Variants in KCNT2 observed in about 807,000 individuals in gnomAD.
KCNT2 encodes potassium sodium-activated channel subfamily T member 2.
A neutral mutation model predicts 153.8 loss-of-function variants in KCNT2; 67 were observed. The observed-to-expected ratio is 0.44, with a 90% CI of 0.36 to 0.53. The LOEUF (loss-of-function observed/expected upper bound fraction) is 0.53. Ranked by LOEUF, KCNT2 falls within the 20% of genes least tolerant of loss-of-function variation. The probability of loss-of-function intolerance (pLI) is 0.00; values close to 1 mark genes in which losing one functional copy is unlikely to be tolerated. For missense variants in KCNT2, 975 were observed against 1,354.8 expected, an observed-to-expected ratio of 0.72 and a Z score of 4.40; for synonymous variants, 500 against 458.8, an observed-to-expected ratio of 1.09 and a Z score of -1.15.
intron 27 of KCNT2, among the ~76,000 whole-genome samples, chr1:196,231,529 A>C (rs1042965455): frequency 5.3e-5 from 8 of 152,022 alleles, no homozygotes; most frequent in Non-Finnish European, 1.2e-4. Context: ...AAGAAATTCC[A>C]AACATCATAC....
intron 18 of KCNT2, among the ~76,000 whole-genome samples, chr1:196,327,555 T>C (rs1440243006): frequency 6.6e-6 from 1 of 152,146 alleles, no homozygotes; most frequent in Non-Finnish European, 1.5e-5. Context: ...CACGGAGAAC[T>C]GTTTTGATGT....
intron 13 of KCNT2, among the ~76,000 whole-genome samples, chr1:196,389,291 T>C (rs970289051): frequency 6.6e-6 from 1 of 151,724 alleles, no homozygotes; most frequent in Admixed American, 6.6e-5. Flanking sequence ...AGTTTGCAAT[T>C]TTCTTTTCTC....
At chr1:196,454,139 T>C (rs376409271) in intron 8 of KCNT2, among the ~76,000 whole-genome samples, 1 of 151,998 alleles carries the variant, frequency 6.6e-6, no homozygotes, top group South Asian at 2.1e-4. Context: ...CTGATGTCTA[T>C]ACATATTTTT....
At chr1:196,327,752 A>G (rs542697951) in intron 18 of KCNT2, among the ~76,000 whole-genome samples, 22 of 149,224 alleles carry the variant, frequency 1.5e-4, no homozygotes, top group African/African-American at 5.3e-4. Flanking sequence ...CTGAAACCTC[A>G]AATTTCCAGT....
chr1:196,448,652 A>C lies in KCNT2; in HGVS notation c.638+16641T>G, dbSNP rs1409532128. On this transcript the variant is annotated intron_variant, in intron 8 of 27. Coordinates refer to ENST00000294725, the MANE Select transcript of KCNT2 (RefSeq NM_198503.5). ...AATAATCCAATTTCATGTCTACTTT[A>C]AAAGCTGTCTCAAATCCTATTGTTG... 3.3e-5 allele frequency among the ~76,000 whole-genome samples: 5 copies of C among 151,632 alleles called. No individual in the cohort carries two copies. The East Asian group carries it at 9.7e-4, about 30-fold the overall frequency.
chr1:196,331,080 C>T lies in KCNT2; in HGVS notation c.2103+76G>A, dbSNP rs933361356. On this transcript the variant is annotated intron_variant, in intron 18 of 27. Coordinates refer to ENST00000294725, the MANE Select transcript of KCNT2 (RefSeq NM_198503.5). ...AACATATTGTAATCAAAATGCTGTA[C>T]AAATTACTTAAATTATGTAACTATA... The T allele has an allele frequency of 2.8e-5, 23 of 813,694 alleles. No homozygotes were observed. In the African/African-American group the frequency reaches 3.4e-4, roughly 12 times the overall value. 50.4% of individuals were successfully genotyped at this position (813,694 alleles called of 1,614,324 possible). A position where few individuals can be genotyped will look rare whatever the true frequency, so the allele number is the denominator to read the frequency against.
Position 196,289,881 on chromosome 1 carries a change from A to T in KCNT2, c.2596-4123T>A, listed in dbSNP as rs1309238131. 2.6e-5 allele frequency among the ~76,000 whole-genome samples: 4 copies of T among 152,190 alleles called. No homozygotes were observed. In the South Asian group the frequency reaches 6.2e-4, roughly 24 times the overall value. On this transcript the variant is annotated intron_variant, in intron 22 of 27. Transcript: ENST00000294725. ...TATATAAGTATCTAAAAGAATACCA[A>T]TGACATTTAAATCATTAAAGATTTC... is the stretch of plus-strand genomic sequence containing the variant.
chr1:196,386,983 A>G (rs1484656245), intron 13 of KCNT2, among the ~76,000 whole-genome samples: 2 of 152,102 alleles, frequency 1.3e-5, no homozygotes, highest in South Asian at 2.1e-4. Flanking sequence ...ACAGTTTTGT[A>G]GTCTATATAA....
chr1:196,552,941 G>A (rs1473304137), intron 1 of KCNT2, among the ~76,000 whole-genome samples: 4 of 150,158 alleles, frequency 2.7e-5, no homozygotes, highest in African/African-American at 9.8e-5. Flanking sequence ...ATAAAAGGCA[G>A]GAAATTAAAG....
chr1:196,335,896 C>T (rs182427848), intron 16 of KCNT2, among the ~76,000 whole-genome samples: 3 of 152,246 alleles, frequency 2.0e-5, no homozygotes, highest in Admixed American at 6.5e-5. Context: ...GTTTGTCTCT[C>T]TCATTCCCTT....
At chr1:196,241,982 C>CA (rs1654999756) in intron 26 of KCNT2, among the ~76,000 whole-genome samples, 1 of 152,042 alleles carries the variant, frequency 6.6e-6, no homozygotes. Context: ...AACAATTAGT[C>CA]TAAATATATA....
chr1:196,367,851 C>CT (rs1668174135), intron 14 of KCNT2, among the ~76,000 whole-genome samples: 1 of 152,162 alleles, frequency 6.6e-6, no homozygotes, highest in Non-Finnish European at 1.5e-5. Flanking sequence ...ATGAGTGGGA[C>CT]TCATGGAAAG....
intron 1 of KCNT2, among the ~76,000 whole-genome samples, chr1:196,568,931 G>GTGC (rs1660453273): frequency 6.6e-6 from 1 of 152,088 alleles, no homozygotes; most frequent in African/African-American, 2.4e-5. Context: ...ATCTATTGAT[G>GTGC]TGCTCTCTTG....
intron 26 of KCNT2, among the ~76,000 whole-genome samples, chr1:196,256,242 T>C (rs1656478153): frequency 1.3e-5 from 2 of 151,982 alleles, no homozygotes; most frequent in Non-Finnish European, 1.5e-5. Context: ...CTGGTACCAC[T>C]GAGCCATTTT....
intron 8 of KCNT2, among the ~76,000 whole-genome samples, chr1:196,430,819 T>C (rs1674088839): frequency 6.6e-6 from 1 of 152,042 alleles, no homozygotes; most frequent in Non-Finnish European, 1.5e-5. Flanking sequence ...AGACTATGAA[T>C]AATAAAATGT....
intron 1 of KCNT2, among the ~76,000 whole-genome samples, chr1:196,601,461 C>T (rs1049077234): frequency 1.3e-5 from 2 of 152,284 alleles, no homozygotes; most frequent in South Asian, 2.1e-4. Flanking sequence ...GCTTAGTGTG[C>T]TTCTTGATAA....
At chr1:196,312,830 G>C (rs1483878821) in intron 21 of KCNT2, among the ~76,000 whole-genome samples, 1 of 151,700 alleles carries the variant, frequency 6.6e-6, no homozygotes, top group Non-Finnish European at 1.5e-5. Flanking sequence ...CTTAGAGATG[G>C]GGCCCAAAGC....
chr1:196,364,385 C>T (rs191119967), intron 14 of KCNT2, among the ~76,000 whole-genome samples: 56 of 152,202 alleles, frequency 3.7e-4, no homozygotes, highest in African/African-American at 1.3e-3. Flanking sequence ...CATCCAAAAA[C>T]AATAATTTTG....
chr1:196,477,678 G>C (rs1338437709), intron 5 of KCNT2, among the ~76,000 whole-genome samples: 1 of 152,058 alleles, frequency 6.6e-6, no homozygotes, highest in Non-Finnish European at 1.5e-5. Context: ...TAGAGTAGAT[G>C]AAAAGGCTAT....
Sources: gnomAD v4.1 joint callset for allele counts (sites outside exome capture counted in the v4.1 genomes callset) on GRCh38, gnomAD v4.1.1 for gene constraint, MANE v1.5 for transcripts, NCBI Gene and HGNC (gene_info 2026-07-23, HGNC 2026-07-21) for gene names.